SPECC1L: variants seen among roughly 807,000 people sequenced by gnomAD.
The protein encoded by SPECC1L is sperm antigen with calponin homology and coiled-coil domains 1 like, also known as cytospin-A.
A neutral mutation model predicts 116.8 loss-of-function variants in SPECC1L; 40 were observed. That is an observed-to-expected ratio of 0.34 (90% CI 0.27 to 0.45). SPECC1L has a LOEUF of 0.45. SPECC1L is among the 20% of genes least tolerant of loss of function. The pLI is 1.00. For missense variants in SPECC1L, 1,110 were observed against 1,373.6 expected (o/e 0.81, Z 3.03); for synonymous variants, 504 against 500.6 (o/e 1.01, Z -0.09).
rs11090321 is a variant in SPECC1L, at chr22:24,357,804, A to G, written c.2744-5457A>G. Among the ~76,000 whole-genome samples the G allele has an allele frequency of 8.6e-4, 131 of 152,274 alleles. 1 individual carries two copies. Among genetic ancestry groups the G allele is most frequent in the African/African-American group, 3.1e-3 (127 of 41,554 alleles). On this transcript the variant is annotated intron_variant, in intron 11 of 16. Transcript: ENST00000314328. ...AGGGCTTTTCTTAATGCCTGCTCCA[A>G]TTTCAGTTTTAGGCTGTCCTTTGCA...
rs543882472 is a variant in SPECC1L, at chr22:24,288,136, CAT to C, written c.-38+11334_-38+11335del. Among the ~76,000 whole-genome samples the C allele has an allele frequency of 1.3e-3, 201 of 152,306 alleles. No homozygotes were observed. The Middle Eastern group carries it at 0.014, about 10-fold the overall frequency. ...GCTTTCTCAGCAGATTGTCTGTACACATGAGACCTTTTTTACGGAACGATTTA... is the reference window on the plus strand; with the variant it reads ...GCTTTCTCAGCAGATTGTCTGTACACGAGACCTTTTTTACGGAACGATTTA... On this transcript the variant is annotated intron_variant, in intron 2 of 16. Coordinates refer to ENST00000314328, the MANE Select transcript of SPECC1L (RefSeq NM_015330.6).
At chr22:24,411,357 G>A (rs562330414) in intron 14 of SPECC1L, among the ~76,000 whole-genome samples, 10 of 151,568 alleles carry the variant, frequency 6.6e-5, no homozygotes, top group African/African-American at 2.4e-4. Context: ...GACGCCACGT[G>A]TTATACCAGG....
chr22:24,284,101 T>G (rs1179037813), intron 2 of SPECC1L, among the ~76,000 whole-genome samples: 1 of 152,182 alleles, frequency 6.6e-6, no homozygotes, highest in African/African-American at 2.4e-5. Flanking sequence ...TAGATGTTTA[T>G]TCTTTTCTTC....
chr22:24,412,073 G>A (rs2042709141), intron 15 of SPECC1L: 1 of 391,590 alleles, frequency 2.6e-6, no homozygotes, highest in African/African-American at 2.1e-5. Flanking sequence ...CCTTGAGGAG[G>A]GCTGTCACTC....
intron 2 of SPECC1L, among the ~76,000 whole-genome samples, chr22:24,282,778 A>ATT (rs373825517): frequency 0.059 from 8,351 of 140,818 alleles, 356 homozygotes; most frequent in Non-Finnish European, 0.092. Flanking sequence ...TGAGTTTTGA[A>ATT]TTTTTTTTTT....
At chr22:24,337,608 A>T (rs1170357600) in intron 9 of SPECC1L, among the ~76,000 whole-genome samples, 1 of 152,272 alleles carries the variant, frequency 6.6e-6, no homozygotes, top group Non-Finnish European at 1.5e-5. Flanking sequence ...ATAAGAATAC[A>T]TCTAAAGATA....
At chr22:24,305,125 A>C (rs932516560) in intron 3 of SPECC1L, among the ~76,000 whole-genome samples, 3 of 152,240 alleles carry the variant, frequency 2.0e-5, no homozygotes, top group Admixed American at 6.5e-5. Flanking sequence ...TTAGGGTAAA[A>C]GGTAAGTTGG....
intron 10 of SPECC1L, among the ~76,000 whole-genome samples, chr22:24,344,776 G>A (rs2041256178): frequency 6.6e-6 from 1 of 152,138 alleles, no homozygotes; most frequent in African/African-American, 2.4e-5. Context: ...TTGTTTTTCT[G>A]TATATTAGCA....
In SPECC1L at chr22:24,313,436, A is replaced by G. The variant is rs879807097; in HGVS notation, c.277A>G (p.Thr93Ala). 1.2e-6 allele frequency: 2 copies of G among 1,614,172 alleles called. No homozygotes were observed. The highest frequency in any genetic ancestry group is 4.5e-5 in the East Asian group (2 of 44,888). Reference protein sequence around the residue: ...APSASAPAMTTVENKSKISTG... With the variant: ...APSASAPAMTAVENKSKISTG... ...TTCAGCATCTGCCCCTGCCATGACCACCGTGGAGAACAAATCCAAGATTAG... is the reference window on the plus strand; with the variant it reads ...TTCAGCATCTGCCCCTGCCATGACCGCCGTGGAGAACAAATCCAAGATTAG... The change falls in exon 4 of 17, where the codon ACC becomes GCC. Residue 93 changes from threonine to alanine, a missense_variant. Around this residue, in one of 4 missense-constraint regions of SPECC1L, gnomAD observed 437 missense variants for 482.6 expected, o/e 0.91. Transcript: ENST00000314328.
intron 2 of SPECC1L, among the ~76,000 whole-genome samples, chr22:24,301,401 C>G (rs2049375736): frequency 6.6e-6 from 1 of 152,080 alleles, no homozygotes; most frequent in African/African-American, 2.4e-5. Context: ...TCCTATAAAC[C>G]CCTCGTAAGT....
At chr22:24,282,771 G>A (rs2048968236) in intron 2 of SPECC1L, among the ~76,000 whole-genome samples, 1 of 147,738 alleles carries the variant, frequency 6.8e-6, no homozygotes, top group Admixed American at 7.0e-5. Context: ...GTTACATTGA[G>A]TTTTGAATTT....
intron 1 of SPECC1L, among the ~76,000 whole-genome samples, chr22:24,275,799 C>T (rs1214840970): frequency 6.6e-6 from 1 of 152,128 alleles, no homozygotes; most frequent in African/African-American, 2.4e-5. Context: ...GCCTTGAACT[C>T]CTGGGTTCAA....
At position 24,282,577 on chromosome 22, in the gene SPECC1L, G is replaced by A. The variant is rs117524260; in HGVS notation, c.-38+5774G>A. Among the ~76,000 whole-genome samples, 533 of 152,218 alleles carry A rather than the reference G, an allele frequency of 3.5e-3. 19 individuals are homozygous for A. In the East Asian group the frequency reaches 0.079, roughly 22 times the overall value. ...CTATGGGGAAAATATTCAGTCTTAC[G>A]TCATTCAGTATGATATTAGCTACAG... is the stretch of plus-strand genomic sequence containing the variant. On this transcript the variant is annotated intron_variant, in intron 2 of 16. Transcript: ENST00000314328.
At chr22:24,300,398 G>A (rs891679259) in intron 2 of SPECC1L, among the ~76,000 whole-genome samples, 1 of 152,074 alleles carries the variant, frequency 6.6e-6, no homozygotes, top group Non-Finnish European at 1.5e-5. Flanking sequence ...ATTTGGGTTG[G>A]TTCCATGTCT....
chr22:24,289,087 G>A (rs2049107793), intron 2 of SPECC1L, among the ~76,000 whole-genome samples: 3 of 152,090 alleles, frequency 2.0e-5, no homozygotes, highest in Non-Finnish European at 1.5e-5. Context: ...TAATTTTATC[G>A]ATACCAAATT....
intron 14 of SPECC1L, among the ~76,000 whole-genome samples, chr22:24,386,281 T>C (rs1417307148): frequency 2.0e-5 from 3 of 152,154 alleles, no homozygotes; most frequent in Non-Finnish European, 4.4e-5. Context: ...GACAAGACCC[T>C]GCTCTCATCA....
chr22:24,296,803 G>C (rs1360723568), intron 2 of SPECC1L, among the ~76,000 whole-genome samples: 1 of 152,182 alleles, frequency 6.6e-6, no homozygotes, highest in Admixed American at 6.5e-5. Flanking sequence ...TAAGGAATTT[G>C]TGGAAGCATT....
chr22:24,414,659 C>CTA lies in SPECC1L; in HGVS notation c.*36_*37insTA, dbSNP rs773352084. 6.3e-7 allele frequency: 1 copy of CTA among 1,590,732 alleles called. No homozygotes were observed. Among genetic ancestry groups the CTA allele is most frequent in the Non-Finnish European group, 8.6e-7 (1 of 1,159,932 alleles). On this transcript the variant is annotated 3_prime_UTR_variant, in exon 17 of 17. Coordinates refer to ENST00000314328, the MANE Select transcript of SPECC1L (RefSeq NM_015330.6). ...AGGAGCCGCCCCAATAGCGGGGGTA[C>CTA]CCCTCCACAGCGACCGAGCGACACC...
At chr22:24,329,068 C>A in intron 7 of SPECC1L, 149 bp downstream of exon 7, 1 of 699,150 alleles carries the variant, frequency 1.4e-6, no homozygotes, top group South Asian at 1.6e-5. Context: ...CAAATGCTAT[C>A]ATTTCAAATT....
Sources: gnomAD v4.1 joint callset for allele counts (sites outside exome capture counted in the v4.1 genomes callset) on GRCh38, gnomAD v4.1.1 for gene constraint, gnomAD v4.1.1 regional missense constraint, MANE v1.5 for transcripts, NCBI Gene and HGNC (gene_info 2026-07-23, HGNC 2026-07-21) for gene names.